The following SLC35D4 variants were observed in gnomAD, a reference collection of about 807,000 sequenced individuals.
SLC35D4 encodes UDP-N-acetylglucosamine transporter SLC35D4.
the SLC35D4 span, among the ~76,000 whole-genome samples, chr18:23,386,562 G>T: frequency 1.3e-5 from 2 of 152,060 alleles, no homozygotes; most frequent in African/African-American, 4.8e-5. Context: ...CAAGTATGTG[G>T]TAATTTATTA....
chr18:23,389,315 G>A, the SLC35D4 span, among the ~76,000 whole-genome samples: 7 of 152,142 alleles, frequency 4.6e-5, no homozygotes, highest in Admixed American at 3.9e-4. Flanking sequence ...ATAGCAGTGT[G>A]AGAATGGACT....
the SLC35D4 span, among the ~76,000 whole-genome samples, chr18:23,380,593 A>G: frequency 6.6e-6 from 1 of 152,216 alleles, no homozygotes; most frequent in Non-Finnish European, 1.5e-5. Context: ...CGTTAAGGCT[A>G]AGAAATGCGT....
the SLC35D4 span, among the ~76,000 whole-genome samples, chr18:23,382,097 G>A: frequency 6.6e-6 from 1 of 151,756 alleles, no homozygotes; most frequent in African/African-American, 2.4e-5. Context: ...AAAATTAGCT[G>A]GGCATGGTGG....
chr18:23,413,317 C>A, the SLC35D4 span, among the ~76,000 whole-genome samples: 1 of 152,198 alleles, frequency 6.6e-6, no homozygotes, highest in Non-Finnish European at 1.5e-5. Context: ...AAATGGAAAT[C>A]TTGTCATCTT....
chr18:23,377,625 G>C, the SLC35D4 span: 127 of 1,571,452 alleles, frequency 8.1e-5, 1 homozygote, highest in African/African-American at 7.4e-4. Context: ...TGGCTTTTTG[G>C]GGGGAGGGCA....
chr18:23,431,153 CAAAAAAAAA>C, the SLC35D4 span, among the ~76,000 whole-genome samples: 17 of 66,252 alleles, frequency 2.6e-4, no homozygotes, highest in African/African-American at 4.4e-4. Flanking sequence ...GAGTATATCT[CAAAAAAAAA>C]AAAAAAAAAA....
At chr18:23,432,963 G>C in the SLC35D4 span, among the ~76,000 whole-genome samples, 1 of 133,750 alleles carries the variant, frequency 7.5e-6, no homozygotes, top group East Asian at 2.3e-4. Context: ...CTTGGCAACA[G>C]AGCAAGACTC....
At chr18:23,325,822 G>C in the SLC35D4 span, among the ~76,000 whole-genome samples, 1 of 152,078 alleles carries the variant, frequency 6.6e-6, no homozygotes, top group East Asian at 1.9e-4. Context: ...TCAGCTGCTG[G>C]CAAGGGCCCC....
chr18:23,389,584 T>C, the SLC35D4 span, among the ~76,000 whole-genome samples: 1 of 151,860 alleles, frequency 6.6e-6, no homozygotes, highest in Non-Finnish European at 1.5e-5. Context: ...CTCACTCTAT[T>C]GCCCAGGCTG....
At chr18:23,433,613 C>A in the SLC35D4 span, among the ~76,000 whole-genome samples, 1 of 152,170 alleles carries the variant, frequency 6.6e-6, no homozygotes. Context: ...GGGTGTGGTG[C>A]TTTCTCCTCC....
the SLC35D4 span, among the ~76,000 whole-genome samples, chr18:23,290,793 ATT>A: frequency 8.2e-4 from 118 of 143,724 alleles, no homozygotes; most frequent in Middle Eastern, 3.5e-3. Context: ...CACCCTGCTA[ATT>A]TTTTTTTTTT....
the SLC35D4 span, among the ~76,000 whole-genome samples, chr18:23,301,455 A>G: frequency 1.3e-5 from 2 of 152,202 alleles, no homozygotes; most frequent in African/African-American, 4.8e-5. Context: ...GTTCCTTAAA[A>G]TTAAAGGGAT....
At chr18:23,402,975 G>A in the SLC35D4 span, among the ~76,000 whole-genome samples, 26 of 152,126 alleles carry the variant, frequency 1.7e-4, 1 homozygote, top group Admixed American at 1.7e-3. Flanking sequence ...GTAAAGTGGT[G>A]GGTGCCTATA....
chr18:23,405,064 G>A, the SLC35D4 span, among the ~76,000 whole-genome samples: 3 of 149,896 alleles, frequency 2.0e-5, no homozygotes, highest in African/African-American at 7.4e-5. Context: ...ACCAAGTGAG[G>A]ATGCAGATGG....
At chr18:23,344,965 C>A in the SLC35D4 span, among the ~76,000 whole-genome samples, 6 of 152,068 alleles carry the variant, frequency 3.9e-5, no homozygotes, top group Admixed American at 6.6e-5. Flanking sequence ...TACATTTTAT[C>A]AATTATTTTA....
At chr18:23,379,723 C>G in the SLC35D4 span, among the ~76,000 whole-genome samples, 16 of 152,298 alleles carry the variant, frequency 1.1e-4, no homozygotes, top group Admixed American at 9.8e-4. Flanking sequence ...TTTCAGGATA[C>G]TCAGTCCAAA....
At chr18:23,298,929 G>A in the SLC35D4 span, among the ~76,000 whole-genome samples, 1,528 of 152,270 alleles carry the variant, frequency 0.01, 16 homozygotes, top group African/African-American at 0.033. Context: ...CCCAGGCCAC[G>A]GCGCCTTCGC....
At chr18:23,413,989 G>T in the SLC35D4 span, among the ~76,000 whole-genome samples, 2 of 151,086 alleles carry the variant, frequency 1.3e-5, no homozygotes, top group Admixed American at 1.3e-4. Context: ...GGGCGCGGTG[G>T]CTCACGCCTG....
chr18:23,249,029 T>G, the SLC35D4 span, among the ~76,000 whole-genome samples: 1 of 152,186 alleles, frequency 6.6e-6, no homozygotes. Flanking sequence ...GGCTGCTGGC[T>G]CCAGATCCGT....
Sources: gnomAD v4.1 joint callset for allele counts (sites outside exome capture counted in the v4.1 genomes callset) on GRCh38, gnomAD v4.1.1 for gene constraint, MANE v1.5 for transcripts, NCBI Gene and HGNC (gene_info 2026-07-23, HGNC 2026-07-21) for gene names.